Variants in CYTH4 observed in about 807,000 individuals in gnomAD.
The protein encoded by CYTH4 is cytohesin 4, also known as cytohesin-4.
In CYTH4, 22 loss-of-function variants were observed where a neutral mutation model predicts 57.5. The observed-to-expected ratio is 0.38, with a 90% CI of 0.27 to 0.55. The LOEUF is 0.55. CYTH4 is among the 20% of genes least tolerant of loss of function. CYTH4 has a pLI of 0.74. For missense variants in CYTH4, 420 were observed against 535.6 expected, an observed-to-expected ratio of 0.78 and a Z score of 2.13; for synonymous variants, 186 against 206.5, an observed-to-expected ratio of 0.90 and a Z score of 0.85.
chr22:37,303,321 G>C lies in CYTH4; in HGVS notation c.615G>C (p.Arg205=), dbSNP rs1929258407. ...LNTSLHNPNV[R]DRPPFERFVS... is the part of the protein sequence containing the mutation. The stretch of plus-strand genomic sequence containing the variant: ...CCAGCCTCCACAATCCCAACGTCCG[G>C]GACAGGCCGCCTTTTGAGCGCTTTG... Residue 205 remains arginine (R), a synonymous_variant, in exon 8 of 13, where the codon CGG becomes CGC. Coordinates refer to ENST00000248901, the MANE Select transcript of CYTH4 (RefSeq NM_013385.5). 6.2e-7 allele frequency: 1 copy of C among 1,614,166 alleles called. No homozygotes were observed. Among genetic ancestry groups the C allele is most frequent in the South Asian group, 1.1e-5 (1 of 91,078 alleles).
intron 9 of CYTH4, chr22:37,309,832 G>A (rs1929569730): frequency 6.3e-6 from 2 of 316,084 alleles, no homozygotes; most frequent in African/African-American, 2.2e-5. Flanking sequence ...TGGCTTAGGG[G>A]GAGGCTCCCT....
intron 7 of CYTH4, 114 bp from the exon 8 acceptor site, chr22:37,303,140 G>T (rs149744413): frequency 5.5e-6 from 8 of 1,449,204 alleles, no homozygotes; most frequent in Non-Finnish European, 6.4e-6. Context: ...CAAGCCAGGA[G>T]GACAAGGTGG....
chr22:37,290,711 T>G (rs912324338), intron 1 of CYTH4, among the ~76,000 whole-genome samples: 3 of 152,186 alleles, frequency 2.0e-5, no homozygotes, highest in African/African-American at 7.2e-5. Flanking sequence ...GGTTTCACTG[T>G]GTTATCCAGG....
chr22:37,288,942 T>C (rs1487705398), intron 1 of CYTH4, among the ~76,000 whole-genome samples: 1 of 152,246 alleles, frequency 6.6e-6, no homozygotes, highest in African/African-American at 2.4e-5. Context: ...TGTGATGTTA[T>C]GTGGTGTGCT....
At chr22:37,300,801 C>T in intron 6 of CYTH4, 106 bp from the exon 7 acceptor site, 4 of 882,660 alleles carry the variant, frequency 4.5e-6, no homozygotes, top group Non-Finnish European at 7.1e-6. Context: ...TGCAGATTCC[C>T]CCATTTACAG....
At position 37,295,005 on chromosome 22, in the gene CYTH4, T is replaced by C. The variant is rs1434810617; in HGVS notation, c.167+281T>C. ...CCCACTGTGGTCCAGCCCTGACCGA[T>C]CACTGGCCACATCCACCCTGGGATG... On this transcript the variant is annotated intron_variant, in intron 3 of 12. Transcript: ENST00000248901. The surrounding 1 kb of genome is among the most constrained non-coding windows in gnomAD (Gnocchi z 4.1). 6.6e-6 allele frequency among the ~76,000 whole-genome samples: 1 copy of C among 151,120 alleles called. No homozygotes were observed. The highest frequency in any genetic ancestry group is 1.5e-5 in the Non-Finnish European group (1 of 67,772).
intron 1 of CYTH4, among the ~76,000 whole-genome samples, chr22:37,285,577 G>C (rs1477848416): frequency 6.6e-6 from 1 of 151,978 alleles, no homozygotes; most frequent in Non-Finnish European, 1.5e-5. Context: ...CGGGCCTGGT[G>C]GTGGGCGCCT....
chr22:37,289,805 C>T (rs1203849931), intron 1 of CYTH4, among the ~76,000 whole-genome samples: 1 of 152,176 alleles, frequency 6.6e-6, no homozygotes, highest in East Asian at 1.9e-4. Context: ...ATTCCAGGAA[C>T]TGTTTTCTGC....
rs143090348 is a variant in CYTH4 at position 37,314,371 on chromosome 22, A to T, written c.*860A>T. 119 of 398,750 alleles carry T rather than the reference A, an allele frequency of 3.0e-4. No individual in the cohort carries two copies. In the East Asian group the frequency reaches 4.2e-3, roughly 14 times the overall value. The allele number at this position is 398,750 out of a possible 1,614,324, so 24.7% of individuals were successfully genotyped here. Reference sequence around the variant, plus strand: ...AGGAGCAGGTGGGACCCTCAAGAAAATGACGGAGAACATCCCAGACAGATG... The same window carrying T: ...AGGAGCAGGTGGGACCCTCAAGAAATTGACGGAGAACATCCCAGACAGATG... On this transcript the variant is annotated 3_prime_UTR_variant, in exon 13 of 13. Coordinates refer to ENST00000248901, the MANE Select transcript of CYTH4 (RefSeq NM_013385.5).
chr22:37,289,359 T>C (rs2899287), intron 1 of CYTH4, among the ~76,000 whole-genome samples: 105,237 of 152,150 alleles, frequency 0.69, 36,692 homozygotes, highest in South Asian at 0.8. Context: ...GTGCCCTGCC[T>C]GAAGCCCTGC....
intron 1 of CYTH4, among the ~76,000 whole-genome samples, chr22:37,287,858 A>C (rs1035466589): frequency 2.0e-5 from 3 of 152,204 alleles, no homozygotes; most frequent in Non-Finnish European, 4.4e-5. Flanking sequence ...AGTTATACAG[A>C]GACTGGCATG....
Position 37,295,782 on chromosome 22 carries a change from G to A in CYTH4, c.168-217G>A, listed in dbSNP as rs113623649. The stretch of plus-strand genomic sequence containing the variant: ...GGTTCCTGCAAGCTGCTAAATGCCC[G>A]TGCTGGGCCCATCAGAGAAGTCAGC... On this transcript the variant is annotated intron_variant, in intron 3 of 12. Coordinates refer to ENST00000248901, the MANE Select transcript of CYTH4 (RefSeq NM_013385.5). The surrounding 1 kb of genome is among the most constrained non-coding windows in gnomAD (Gnocchi z 4.1). Among the ~76,000 whole-genome samples the A allele has an allele frequency of 2.0e-4, 30 of 152,364 alleles. No homozygotes were observed. The highest frequency in any genetic ancestry group is 1.2e-3 in the East Asian group (6 of 5,186).
intron 8 of CYTH4, among the ~76,000 whole-genome samples, chr22:37,308,197 C>A (rs906389091): frequency 2.6e-5 from 4 of 152,248 alleles, no homozygotes; most frequent in African/African-American, 9.6e-5. Context: ...AGGGGCCCCT[C>A]AACTCAGGGA....
At chr22:37,286,086 A>G (rs1259815627) in intron 1 of CYTH4, among the ~76,000 whole-genome samples, 1 of 131,340 alleles carries the variant, frequency 7.6e-6, no homozygotes, top group Non-Finnish European at 1.6e-5. Context: ...CCAGCTCTGC[A>G]AAGTTGGCTT....
In CYTH4 at chr22:37,314,660, C is replaced by T. The variant is rs973747345; in HGVS notation, c.*1149C>T. ...ATCAGAGTAGAGCTGACTTCCAGTACCCGGGCAGCCAGCTCTGTCTCCAGG... is the reference window on the plus strand; with the variant it reads ...ATCAGAGTAGAGCTGACTTCCAGTATCCGGGCAGCCAGCTCTGTCTCCAGG... On this transcript the variant is annotated 3_prime_UTR_variant, in exon 13 of 13. Coordinates refer to ENST00000248901, the MANE Select transcript of CYTH4 (RefSeq NM_013385.5). 1.3e-5 allele frequency: 5 copies of T among 372,260 alleles called. No homozygotes were observed. The highest frequency in any genetic ancestry group is 2.4e-5 in the Non-Finnish European group (5 of 209,840). 23.1% of individuals were successfully genotyped at this position (372,260 alleles called of 1,614,324 possible).
At chr22:37,292,844 G>A (rs1005204194) in intron 2 of CYTH4, 141 bp downstream of exon 2, 1 of 742,484 alleles carries the variant, frequency 1.3e-6, no homozygotes, top group African/African-American at 1.8e-5. Context: ...CCCAGCCCCA[G>A]GAGCAGGGAG....
At chr22:37,299,772 C>G (rs930353935) in intron 6 of CYTH4, among the ~76,000 whole-genome samples, 1 of 152,176 alleles carries the variant, frequency 6.6e-6, no homozygotes, top group East Asian at 1.9e-4. Context: ...CTATACAGTT[C>G]AAATCCCAGC....
chr22:37,310,812 C>T (rs1215129258), intron 9 of CYTH4, among the ~76,000 whole-genome samples, 176 bp from the exon 10 acceptor site: 2 of 152,116 alleles, frequency 1.3e-5, no homozygotes, highest in Non-Finnish European at 2.9e-5. Context: ...ATTACAGGAG[C>T]CACTAAGGTT....
rs371738429 is a variant in CYTH4 at position 37,311,553 on chromosome 22, G to A, written c.957+26G>A. ...GTAGGTGTTCAGGTTGCAGGATCCC[G>A]AGGCTGGAGCCACTGGGAAATTTCC... On this transcript the variant is annotated intron_variant, in intron 11 of 12. Coordinates refer to ENST00000248901, the MANE Select transcript of CYTH4 (RefSeq NM_013385.5). This position sits in a 1 kb window ranked among gnomAD's most constrained non-coding sequence, Gnocchi z 4.4. 6.1e-5 allele frequency: 99 copies of A among 1,610,504 alleles called. No homozygotes were observed. Among genetic ancestry groups the A allele is most frequent in the African/African-American group, 1.5e-4 (11 of 74,970 alleles).
Sources: gnomAD v4.1 joint callset for allele counts (sites outside exome capture counted in the v4.1 genomes callset) on GRCh38, gnomAD v4.1.1 for gene constraint, Gnocchi (gnomAD v3.1) non-coding constraint, MANE v1.5 for transcripts, NCBI Gene and HGNC (gene_info 2026-07-23, HGNC 2026-07-21) for gene names.